ZNRF1: variants seen among roughly 807,000 people sequenced by gnomAD.
The protein encoded by ZNRF1 is E3 ubiquitin-protein ligase ZNRF1.
ZNRF1 carries 3 observed loss-of-function variants against 18.4 expected under a neutral mutation model. The observed-to-expected ratio is 0.16, with a 90% confidence interval of 0.07 to 0.42. The LOEUF is 0.42. Ranked by LOEUF, ZNRF1 falls within the 10% of genes least tolerant of loss-of-function variation. ZNRF1 has a pLI of 0.99. For missense variants in ZNRF1, 310 were observed against 329.8 expected, an observed-to-expected ratio of 0.94 and a Z score of 0.47; for synonymous variants, 157 against 144.2, an observed-to-expected ratio of 1.09 and a Z score of -0.64.
intron 1 of ZNRF1, among the ~76,000 whole-genome samples, chr16:75,087,561 T>G (rs2036088119): frequency 6.6e-6 from 1 of 152,226 alleles, no homozygotes; most frequent in African/African-American, 2.4e-5. Context: ...AAGGACTCTC[T>G]TGGCTTCTCT....
Position 74,999,076 on chromosome 16 carries a change from G to C in ZNRF1, c.-596G>C, listed in dbSNP as rs1358304985. ...GGCGAGCGCAGCCCGGGACCGAGCG[G>C]GGCGGCGCGGCTGGCGGGGCCGGCG... On this transcript the variant is annotated 5_prime_UTR_variant, in exon 1 of 5. Coordinates refer to ENST00000335325, the MANE Select transcript of ZNRF1 (RefSeq NM_032268.5). 6.7e-6 allele frequency: 1 copy of C among 149,680 alleles called. No individual in the cohort carries two copies. Among genetic ancestry groups the C allele is most frequent in the African/African-American group, 2.4e-5 (1 of 41,142 alleles). 9.3% of individuals were successfully genotyped at this position (149,680 alleles called of 1,614,324 possible). A position where few individuals can be genotyped will look rare whatever the true frequency, so the allele number is the denominator to read the frequency against.
intron 1 of ZNRF1, among the ~76,000 whole-genome samples, chr16:75,082,836 G>C (rs1021503255): frequency 2.0e-5 from 3 of 152,226 alleles, no homozygotes; most frequent in Admixed American, 1.3e-4. Context: ...TTCGAGGCAT[G>C]AGCCACTGCA....
intron 1 of ZNRF1, among the ~76,000 whole-genome samples, chr16:75,052,021 A>G (rs538765167): frequency 6.6e-6 from 1 of 152,224 alleles, no homozygotes; most frequent in Non-Finnish European, 1.5e-5. Context: ...GAAAGTTTAC[A>G]TACAAAGAAA....
chr16:74,999,573 TCCCTCCCCCTTTATGCTCGCCCAG>T lies in ZNRF1; in HGVS notation c.-88_-65del. 2 of 890,122 alleles carry T rather than the reference TCCCTCCCCCTTTATGCTCGCCCAG, an allele frequency of 2.2e-6. No individual in the cohort carries two copies. Among genetic ancestry groups the T allele is most frequent in the Non-Finnish European group, 3.0e-6 (2 of 668,122 alleles). The allele number at this position is 890,122 out of a possible 1,614,324, so 55.1% of individuals were successfully genotyped here. ...TCTCCCTCCGGGTCTCCTTTTTGAC[TCCCTCCCCCTTTATGCTCGCCCAG>T]CCCTCCCCCTGCTGCTGAGAAGTGG... On this transcript the variant is annotated 5_prime_UTR_variant, in exon 1 of 5. An upstream start codon of the reference 5' UTR is lost. Coordinates refer to ENST00000335325, the MANE Select transcript of ZNRF1 (RefSeq NM_032268.5).
At chr16:75,022,344 A>C (rs956462894) in intron 1 of ZNRF1, among the ~76,000 whole-genome samples, 25 of 152,032 alleles carry the variant, frequency 1.6e-4, no homozygotes, top group African/African-American at 5.8e-4. Flanking sequence ...CGGGTGGATC[A>C]CGAGGTCAGG....
intron 2 of ZNRF1, among the ~76,000 whole-genome samples, chr16:75,095,376 A>T (rs976712621): frequency 6.6e-6 from 1 of 151,994 alleles, no homozygotes; most frequent in Non-Finnish European, 1.5e-5. Flanking sequence ...GTCCTGTCGC[A>T]TGCATGCTGT....
intron 1 of ZNRF1, among the ~76,000 whole-genome samples, chr16:75,077,498 C>T (rs577898587): frequency 4.6e-5 from 7 of 152,360 alleles, no homozygotes; most frequent in Admixed American, 3.3e-4. Flanking sequence ...CACCACTGCA[C>T]TCCAGCCTGG....
intron 1 of ZNRF1, among the ~76,000 whole-genome samples, chr16:75,027,104 C>T (rs551251985): frequency 1.3e-5 from 2 of 151,652 alleles, no homozygotes; most frequent in South Asian, 4.2e-4. Context: ...TGTTACATAG[C>T]TAGAAAGTGG....
chr16:75,039,024 A>G (rs1219066679), intron 1 of ZNRF1, among the ~76,000 whole-genome samples: 2 of 152,168 alleles, frequency 1.3e-5, no homozygotes, highest in Non-Finnish European at 2.9e-5. Context: ...ATTACATTCC[A>G]GTAGGTATGT....
chr16:75,061,296 C>G (rs192029347), intron 1 of ZNRF1, among the ~76,000 whole-genome samples: 1 of 152,112 alleles, frequency 6.6e-6, no homozygotes, highest in African/African-American at 2.4e-5. Context: ...CACCTCCCCC[C>G]ACACCCCCAG....
At chr16:75,040,404 A>G (rs932704600) in intron 1 of ZNRF1, among the ~76,000 whole-genome samples, 5 of 151,706 alleles carry the variant, frequency 3.3e-5, no homozygotes, top group Non-Finnish European at 5.9e-5. Flanking sequence ...ACGGATGTGA[A>G]CCACCACATC....
intron 1 of ZNRF1, among the ~76,000 whole-genome samples, chr16:75,077,542 CAA>C (rs1230522144): frequency 2.0e-5 from 3 of 151,968 alleles, no homozygotes; most frequent in Non-Finnish European, 2.9e-5. Flanking sequence ...AAAAAACAAA[CAA>C]AAAAAGAGTT....
At position 75,067,854 on chromosome 16, in the gene ZNRF1, A is replaced by G. The variant is rs140270070; in HGVS notation, c.425-25718A>G. Among the ~76,000 whole-genome samples the G allele has an allele frequency of 7.9e-5, 12 of 152,294 alleles. No homozygotes were observed. In the East Asian group the frequency reaches 1.7e-3, roughly 22 times the overall value. The stretch of plus-strand genomic sequence containing the variant: ...TGAGAATGGTAACACCACAAAATTA[A>G]TACGTCTCTTATCTACAAATCTGAA... On this transcript the variant is annotated intron_variant, in intron 1 of 4. Transcript: ENST00000335325.
intron 1 of ZNRF1, among the ~76,000 whole-genome samples, chr16:75,070,501 A>AT (rs1462674593): frequency 1.3e-5 from 2 of 151,916 alleles, no homozygotes; most frequent in African/African-American, 4.8e-5. Context: ...CCACATCCAC[A>AT]TTTTTTTGCA....
Position 75,004,252 on chromosome 16 carries a change from C to T in ZNRF1, c.424+4157C>T, listed in dbSNP as rs2034889910. The stretch of plus-strand genomic sequence containing the variant: ...AGTGGGCTGCTTTTACTCATAATGC[C>T]GCTGATAAGGGCTGCTTTATAGAAG... On this transcript the variant is annotated intron_variant, in intron 1 of 4. Coordinates refer to ENST00000335325, the MANE Select transcript of ZNRF1 (RefSeq NM_032268.5). 1.3e-5 allele frequency among the ~76,000 whole-genome samples: 2 copies of T among 152,138 alleles called. 1 individual carries two copies. Among genetic ancestry groups the T allele is most frequent in the Non-Finnish European group, 2.9e-5 (2 of 68,024 alleles).
At chr16:75,104,923 C>G (rs534025633) in intron 3 of ZNRF1, 34 bp downstream of exon 3, 1 of 1,529,184 alleles carries the variant, frequency 6.5e-7, no homozygotes, top group African/African-American at 1.4e-5. Context: ...TTAGTGCACC[C>G]CACCTCCCAG....
At chr16:75,069,242 T>C (rs1360049474) in intron 1 of ZNRF1, among the ~76,000 whole-genome samples, 3 of 152,182 alleles carry the variant, frequency 2.0e-5, no homozygotes, top group African/African-American at 7.2e-5. Flanking sequence ...GAACATCATT[T>C]GTTTGGCAGG....
At chr16:75,069,902 C>T (rs1219733686) in intron 1 of ZNRF1, among the ~76,000 whole-genome samples, 1 of 152,172 alleles carries the variant, frequency 6.6e-6, no homozygotes, top group South Asian at 2.1e-4. Context: ...CAGCCCATTC[C>T]CCTTGTAGAG....
chr16:75,061,133 A>G (rs2035738997), intron 1 of ZNRF1, among the ~76,000 whole-genome samples: 1 of 152,220 alleles, frequency 6.6e-6, no homozygotes, highest in Non-Finnish European at 1.5e-5. Context: ...CCATCCCCTC[A>G]AGCATTTATC....
Sources: gnomAD v4.1 joint callset for allele counts (sites outside exome capture counted in the v4.1 genomes callset) on GRCh38, gnomAD v4.1.1 for gene constraint, MANE v1.5 for transcripts, NCBI Gene and HGNC (gene_info 2026-07-23, HGNC 2026-07-21) for gene names.